PRKDC: variants seen among roughly 807,000 people sequenced by gnomAD.
PRKDC encodes DNA-dependent protein kinase catalytic subunit.
Under a neutral mutation model 486.9 loss-of-function variants are expected in PRKDC, and 82 were observed. The observed-to-expected ratio is 0.17, with a 90% CI of 0.14 to 0.20. The LOEUF (loss-of-function observed/expected upper bound fraction) is 0.20. Among genes scored for constraint, PRKDC ranks in the 10% least tolerant of loss-of-function variants. The pLI is 1.00. For synonymous variants in PRKDC, 1,895 were observed against 1,837.0 expected, an observed-to-expected ratio of 1.03 and a Z score of -0.81; for missense variants, 4,504 against 5,038.2, an observed-to-expected ratio of 0.89 and a Z score of 3.21.
At chr8:47,825,075 A>G (rs2087703031) in intron 63 of PRKDC, among the ~76,000 whole-genome samples, 1 of 152,184 alleles carries the variant, frequency 6.6e-6, no homozygotes, top group Non-Finnish European at 1.5e-5. Flanking sequence ...GTGGGTGGGT[A>G]GGTAGGTGAT....
intron 54 of PRKDC, among the ~76,000 whole-genome samples, chr8:47,846,086 T>C (rs1457518399): frequency 6.6e-6 from 1 of 152,176 alleles, no homozygotes; most frequent in Non-Finnish European, 1.5e-5. Context: ...AGCCATATGA[T>C]CATTTCAATA....
Position 47,886,064 on chromosome 8 carries a change from G to A in PRKDC, c.4656C>T (p.His1552=). The A allele has an allele frequency of 1.2e-6, 2 of 1,613,754 alleles. No homozygotes were observed. The highest frequency in any genetic ancestry group is 1.7e-6 in the Non-Finnish European group (2 of 1,179,894). Reference sequence around the variant, plus strand: ...TATAGAAATACTCCCCATGGGAGAAGTGGATGACGCTGCCCTGTGAGCTGC... The same window carrying A: ...TATAGAAATACTCCCCATGGGAGAAATGGATGACGCTGCCCTGTGAGCTGC... ...SLGSSQGSVI[H]FSHGEYFYSL... The change falls in exon 36 of 86, where the codon CAC becomes CAT. Residue 1552 remains histidine, a synonymous_variant. Transcript: ENST00000314191.
intron 40 of PRKDC, 32 bp from the exon 41 acceptor site, chr8:47,864,795 C>G: frequency 6.7e-7 from 1 of 1,498,508 alleles, no homozygotes; most frequent in South Asian, 1.3e-5. Context: ...ATATGAACAT[C>G]CCTGCTTTGA....
rs1426468853 is a variant in PRKDC, at chr8:47,807,125, A to C, written c.9747+12T>G. On this transcript the variant is annotated intron_variant, in intron 69 of 85. Transcript: ENST00000314191. The stretch of plus-strand genomic sequence containing the variant: ...CTGTGACACAGCAGGGAGGACAGAC[A>C]CGAGTACCCACCTGCTTCCGGGCAC... 6.2e-7 allele frequency: 1 copy of C among 1,611,838 alleles called. No individual in the cohort carries two copies. Among genetic ancestry groups the C allele is most frequent in the Non-Finnish European group, 8.5e-7 (1 of 1,178,602 alleles).
intron 19 of PRKDC, 33 bp downstream of exon 19, chr8:47,929,059 T>G (rs184924798): frequency 1.1e-5 from 15 of 1,368,660 alleles, no homozygotes; most frequent in Non-Finnish European, 1.5e-5. Context: ...AAACAGTTCA[T>G]GATAACACTA....
At chr8:47,843,647 T>A (rs1288976688) in intron 54 of PRKDC, among the ~76,000 whole-genome samples, 1 of 152,070 alleles carries the variant, frequency 6.6e-6, no homozygotes, top group South Asian at 2.1e-4. Context: ...CAGCTAGAAA[T>A]AAGGGTCAGC....
intron 83 of PRKDC, among the ~76,000 whole-genome samples, chr8:47,778,082 T>C (rs1436495735): frequency 6.6e-6 from 1 of 152,176 alleles, no homozygotes; most frequent in African/African-American, 2.4e-5. Context: ...AAAACCCACG[T>C]GCACAGGACA....
intron 36 of PRKDC, among the ~76,000 whole-genome samples, chr8:47,883,771 T>C (rs1285504765): frequency 2.6e-5 from 4 of 152,274 alleles, no homozygotes; most frequent in East Asian, 1.9e-4. Context: ...CAGTTTTTTT[T>C]CTCCAGCTTA....
chr8:47,932,022 C>A (rs2090264645), intron 16 of PRKDC, among the ~76,000 whole-genome samples: 1 of 152,078 alleles, frequency 6.6e-6, no homozygotes, highest in Admixed American at 6.6e-5. Context: ...TCCTGAGTAC[C>A]TGGGATTACA....
intron 80 of PRKDC, chr8:47,779,344 C>G (rs911464624): frequency 2.8e-6 from 1 of 352,518 alleles, no homozygotes; most frequent in Non-Finnish European, 5.1e-6. Context: ...AGGTACAAAA[C>G]CATCAGATCC....
chr8:47,889,225 G>GT lies in PRKDC; in HGVS notation c.4072-4dup. The GT allele has an allele frequency of 6.3e-7, 1 of 1,589,780 alleles. No individual in the cohort carries two copies. The highest frequency in any genetic ancestry group is 8.6e-7 in the Non-Finnish European group (1 of 1,167,208). ...TTACACAAGTCCTTCTTCAGGAGCT[G>GT]TAACAGATTGTTTGATAAAAACACT... On this transcript the variant is annotated splice_region_variant and splice_polypyrimidine_tract_variant and intron_variant, in intron 32 of 85. Coordinates refer to ENST00000314191, the MANE Select transcript of PRKDC (RefSeq NM_006904.7).
At chr8:47,909,570 A>G (rs555402237) in intron 25 of PRKDC, among the ~76,000 whole-genome samples, 3 of 152,238 alleles carry the variant, frequency 2.0e-5, no homozygotes, top group Admixed American at 6.5e-5. Context: ...GAAGATAACC[A>G]TAAGGTCTGA....
intron 32 of PRKDC, 137 bp downstream of exon 32, chr8:47,890,120 A>G: frequency 2.8e-6 from 1 of 361,040 alleles, no homozygotes; most frequent in Non-Finnish European, 4.5e-6. Flanking sequence ...CTGGGTTGAG[A>G]GGATGAAATA....
intron 45 of PRKDC, among the ~76,000 whole-genome samples, chr8:47,860,389 T>C (rs2088649356): frequency 1.3e-5 from 2 of 152,106 alleles, no homozygotes; most frequent in South Asian, 2.1e-4. Context: ...GCCTGGCGCC[T>C]ACAAGGCACA....
intron 68 of PRKDC, 124 bp downstream of exon 68, chr8:47,817,326 A>C (rs2087468862): frequency 1.5e-6 from 1 of 667,322 alleles, no homozygotes; most frequent in African/African-American, 1.8e-5. Context: ...GGGAAACAGG[A>C]AGGATGGAAA....
Position 47,935,915 on chromosome 8 carries a change from C to T in PRKDC, c.1279-15G>A, listed in dbSNP as rs747768897. ...ACCTCAGGAACCTACCGGAAATAAT[C>T]AGCAAACCGTGAGTTAGAGGAGGTA... On this transcript the variant is annotated splice_polypyrimidine_tract_variant and intron_variant, in intron 12 of 85. Transcript: ENST00000314191. The T allele has an allele frequency of 3.1e-6, 5 of 1,606,892 alleles. No individual in the cohort carries two copies. Among genetic ancestry groups the T allele is most frequent in the African/African-American group, 2.7e-5 (2 of 74,932 alleles).
At chr8:47,910,169 G>A (rs537993180) in intron 25 of PRKDC, among the ~76,000 whole-genome samples, 96 of 152,140 alleles carry the variant, frequency 6.3e-4, no homozygotes, top group South Asian at 2.5e-3. Context: ...AAGAACCTAC[G>A]TTGAAATACT....
At chr8:47,939,790 A>G (rs1036284292) in intron 10 of PRKDC, 93 bp from the exon 11 acceptor site, 1 of 1,101,250 alleles carries the variant, frequency 9.1e-7, no homozygotes, top group African/African-American at 1.6e-5. Context: ...AGATGCTACT[A>G]ATGTACTGTT....
chr8:47,930,446 G>A (rs2090231114), intron 17 of PRKDC, among the ~76,000 whole-genome samples: 1 of 151,970 alleles, frequency 6.6e-6, no homozygotes, highest in Admixed American at 6.6e-5. Flanking sequence ...CGAATTTTTT[G>A]TATCTTTAGT....
Sources: gnomAD v4.1 joint callset for allele counts (sites outside exome capture counted in the v4.1 genomes callset) on GRCh38, gnomAD v4.1.1 for gene constraint, MANE v1.5 for transcripts, NCBI Gene and HGNC (gene_info 2026-07-23, HGNC 2026-07-21) for gene names.